Variants in NOVA1 observed in about 807,000 individuals in gnomAD.
NOVA1 encodes NOVA alternative splicing regulator 1.
A neutral mutation model predicts 38.0 loss-of-function variants in NOVA1; 7 were observed. The ratio of observed to expected loss-of-function variants is 0.18; its 90% confidence interval spans 0.10 to 0.35. The LOEUF is 0.35. Among genes scored for constraint, NOVA1 ranks in the 10% least tolerant of loss-of-function variants. NOVA1 has a pLI of 1.00. For missense variants in NOVA1, 460 were observed against 616.0 expected (o/e 0.75, Z 2.68); for synonymous variants, 270 against 232.5 (o/e 1.16, Z -1.47).
chr14:26,476,515 T>C (rs1171101719), intron 3 of NOVA1, among the ~76,000 whole-genome samples: 2 of 152,108 alleles, frequency 1.3e-5, no homozygotes, highest in African/African-American at 4.8e-5. Flanking sequence ...TACAGTCTCC[T>C]TACTATTCAA....
chr14:26,470,936 C>T (rs1884538301), intron 4 of NOVA1, among the ~76,000 whole-genome samples: 2 of 151,920 alleles, frequency 1.3e-5, no homozygotes, highest in South Asian at 4.1e-4. Flanking sequence ...GGTTTTTATA[C>T]CATATAATTA....
intron 2 of NOVA1, among the ~76,000 whole-genome samples, chr14:26,566,690 C>T (rs1892153339): frequency 6.6e-6 from 1 of 151,984 alleles, no homozygotes; most frequent in Admixed American, 6.6e-5. Context: ...ATAACATGTG[C>T]TAAGAAACAG....
rs1891788298 is a variant in NOVA1 at position 26,561,045 on chromosome 14, T to A, written c.280+34365A>T. On this transcript the variant is annotated intron_variant, in intron 2 of 4. Transcript: ENST00000539517. ...CTCAGAACATCAGGCATTAGTTGGA[T>A]TCTCATAAGGAGTGTGCAACCTAGA... Among the ~76,000 whole-genome samples the A allele has an allele frequency of 2.0e-5, 3 of 152,296 alleles. No individual in the cohort carries two copies. In the South Asian group the frequency reaches 6.2e-4, roughly 32 times the overall value.
intron 2 of NOVA1, among the ~76,000 whole-genome samples, chr14:26,543,980 T>TA (rs1212924381): frequency 6.6e-6 from 1 of 151,986 alleles, no homozygotes. Context: ...ACTCAGAATT[T>TA]AGTCTATGAT....
chr14:26,498,755 AT>A (rs1410533930), intron 2 of NOVA1, among the ~76,000 whole-genome samples: 1 of 152,222 alleles, frequency 6.6e-6, no homozygotes, highest in Non-Finnish European at 1.5e-5. Flanking sequence ...GTACTGAAGC[AT>A]TGGTTCTGAG....
At chr14:26,492,068 G>A (rs1327053852) in intron 2 of NOVA1, among the ~76,000 whole-genome samples, 1 of 152,042 alleles carries the variant, frequency 6.6e-6, no homozygotes, top group Non-Finnish European at 1.5e-5. Flanking sequence ...CCATTAAATG[G>A]GATGCCTTTC....
intron 2 of NOVA1, among the ~76,000 whole-genome samples, chr14:26,547,760 G>A (rs756202103): frequency 2.0e-5 from 3 of 152,008 alleles, no homozygotes; most frequent in Admixed American, 6.6e-5. Context: ...ATAGCAATTC[G>A]AATATTTCAT....
At chr14:26,590,527 AT>A (rs751510733) in intron 2 of NOVA1, among the ~76,000 whole-genome samples, 5 of 151,862 alleles carry the variant, frequency 3.3e-5, no homozygotes, top group Non-Finnish European at 5.9e-5. Context: ...TCAGTTAATA[AT>A]TTTTTAAAAA....
At chr14:26,495,070 A>T (rs930714648) in intron 2 of NOVA1, among the ~76,000 whole-genome samples, 17 of 151,784 alleles carry the variant, frequency 1.1e-4, no homozygotes, top group Non-Finnish European at 1.6e-4. Context: ...GGTCTTTTTT[A>T]GTTCCTGGGA....
intron 2 of NOVA1, among the ~76,000 whole-genome samples, chr14:26,551,954 G>T (rs1051994782): frequency 6.6e-6 from 1 of 151,968 alleles, no homozygotes; most frequent in Non-Finnish European, 1.5e-5. Context: ...CCTCAAGACT[G>T]TGGTGACTTA....
At chr14:26,477,371 T>C (rs1157491255) in intron 3 of NOVA1, among the ~76,000 whole-genome samples, 1 of 152,118 alleles carries the variant, frequency 6.6e-6, no homozygotes, top group Non-Finnish European at 1.5e-5. Flanking sequence ...TTAGAAAAAA[T>C]ACATATATGA....
chr14:26,503,340 A>G (rs1887383274), intron 2 of NOVA1, among the ~76,000 whole-genome samples: 1 of 152,092 alleles, frequency 6.6e-6, no homozygotes, highest in African/African-American at 2.4e-5. Context: ...CACCAAAGGA[A>G]GAATGAAAGC....
At chr14:26,452,692 A>G (rs1228273496) in intron 4 of NOVA1, among the ~76,000 whole-genome samples, 3 of 152,220 alleles carry the variant, frequency 2.0e-5, no homozygotes, top group Non-Finnish European at 2.9e-5. Context: ...TCAACGGCAT[A>G]CCAATTATTT....
At chr14:26,535,602 T>G (rs1890007790) in intron 2 of NOVA1, among the ~76,000 whole-genome samples, 1 of 152,160 alleles carries the variant, frequency 6.6e-6, no homozygotes, top group Non-Finnish European at 1.5e-5. Context: ...TTTAGCATGA[T>G]TATAGTATAT....
At chr14:26,479,118 G>C (rs1885224842) in intron 3 of NOVA1, 1 of 151,804 alleles carries the variant, frequency 6.6e-6, no homozygotes, top group South Asian at 2.1e-4. Context: ...AATATTCTGT[G>C]AATTACTGAA....
At chr14:26,514,859 G>C (rs1035803068) in intron 2 of NOVA1, among the ~76,000 whole-genome samples, 4 of 151,748 alleles carry the variant, frequency 2.6e-5, no homozygotes, top group African/African-American at 9.7e-5. Flanking sequence ...ATATCAATTT[G>C]CTATTATATT....
At chr14:26,502,163 C>T (rs1887288650) in intron 2 of NOVA1, among the ~76,000 whole-genome samples, 1 of 151,766 alleles carries the variant, frequency 6.6e-6, no homozygotes, top group Non-Finnish European at 1.5e-5. Context: ...CAGCTCTCAT[C>T]ATTTTATTTT....
chr14:26,593,716 CAACT>C (rs1333430100), intron 2 of NOVA1: 1 of 151,740 alleles, frequency 6.6e-6, no homozygotes, highest in African/African-American at 2.4e-5. Context: ...AAAAAATGTA[CAACT>C]AAGTGGACTA....
In NOVA1 at chr14:26,486,696, C is replaced by CAAA. The variant is rs59078775; in HGVS notation, c.281-6556_281-6554dup. ...TGCACTCCAGCCTGGGTGACAGACT[C>CAAA]AAAAAAAAAAAAAAAAAAAAAAAAA... On this transcript the variant is annotated intron_variant, in intron 2 of 4. Transcript: ENST00000539517. Among the ~76,000 whole-genome samples, 225 of 23,070 alleles carry CAAA rather than the reference C, an allele frequency of 9.8e-3. 19 individuals are homozygous for CAAA. Among genetic ancestry groups the CAAA allele is most frequent in the African/African-American group, 0.033 (191 of 5,710 alleles). 15.1% of individuals were successfully genotyped at this position (23,070 alleles called of 152,430 possible).
Sources: allele counts gnomAD v4.1 joint callset (sites outside exome capture counted in the v4.1 genomes callset), GRCh38; gene constraint gnomAD v4.1.1; transcripts MANE v1.5; gene names NCBI Gene and HGNC (gene_info 2026-07-23, HGNC 2026-07-21).